MGAT5B: variants seen among roughly 807,000 people sequenced by gnomAD.
MGAT5B encodes the protein alpha-1,6-mannosylglycoprotein 6-beta-N-acetylglucosaminyltransferase B.
A neutral mutation model predicts 95.1 loss-of-function variants in MGAT5B; 54 were observed. That is an observed-to-expected ratio of 0.57 (90% confidence interval 0.46 to 0.71). The LOEUF (loss-of-function observed/expected upper bound fraction) is 0.71. Among genes scored for constraint, MGAT5B ranks in the 30% least tolerant of loss-of-function variants. The probability of loss-of-function intolerance (pLI) is 0.00; values close to 1 mark genes in which losing one functional copy is unlikely to be tolerated. For missense variants in MGAT5B, 935 were observed against 1,088.6 expected, an observed-to-expected ratio of 0.86 and a Z score of 1.99; for synonymous variants, 464 against 451.0, an observed-to-expected ratio of 1.03 and a Z score of -0.36.
At position 76,940,460 on chromosome 17, in the gene MGAT5B, A is replaced by G. The variant is rs2012718149; in HGVS notation, c.1643A>G (p.Asn548Ser). Reference sequence around the variant, plus strand: ...CCCGCCCCCCTGGAGGCCATCGCCAATGGTTGCATCTTCCTGCAGTCCCGC... The same window carrying G: ...CCCGCCCCCCTGGAGGCCATCGCCAGTGGTTGCATCTTCCTGCAGTCCCGC... ...EGPAPLEAIA[N>S]GCIFLQSRFS... Residue 548 changes from asparagine (N) to serine (S), a missense_variant, in exon 14 of 18, where the codon AAT (asparagine) becomes AGT (serine). By Grantham distance (46) the Asn-to-Ser change is conservative (BLOSUM62 1). This residue lies in a region of MGAT5B where 440 missense variants were observed against 523.6 expected (regional missense o/e 0.84). Transcript: ENST00000569840. This position sits in a 1 kb window ranked among gnomAD's most constrained non-coding sequence, Gnocchi z 4.3. 6 of 1,613,944 alleles carry G rather than the reference A, an allele frequency of 3.7e-6. No individual in the cohort carries two copies. Among genetic ancestry groups the G allele is most frequent in the South Asian group, 1.1e-5 (1 of 91,060 alleles).
chr17:76,879,892 G>C (rs917813027), intron 2 of MGAT5B, among the ~76,000 whole-genome samples: 1 of 152,214 alleles, frequency 6.6e-6, no homozygotes, highest in African/African-American at 2.4e-5. Context: ...CCCAAGTTAT[G>C]AGCGATGGCT....
intron 8 of MGAT5B, among the ~76,000 whole-genome samples, chr17:76,924,610 C>T (rs1413668538): frequency 6.6e-6 from 1 of 152,188 alleles, no homozygotes; most frequent in Admixed American, 6.5e-5. Context: ...TGAGGACTGC[C>T]GCCAGCATCC....
intron 8 of MGAT5B, among the ~76,000 whole-genome samples, chr17:76,919,454 G>A (rs903901479): frequency 2.0e-5 from 3 of 152,250 alleles, no homozygotes; most frequent in Admixed American, 6.5e-5. Context: ...TTTTAAGACC[G>A]GGTCTCACTC....
rs771456344 is a variant in MGAT5B at position 76,882,133 on chromosome 17, C to T, written c.182-18C>T. The T allele has an allele frequency of 6.2e-7, 1 of 1,601,182 alleles. No homozygotes were observed. The highest frequency in any genetic ancestry group is 8.5e-7 in the Non-Finnish European group (1 of 1,172,176). On this transcript the variant is annotated intron_variant, in intron 2 of 17. Coordinates refer to ENST00000569840, the MANE Select transcript of MGAT5B (RefSeq NM_001199172.2). ...GCTGCTCGGGCCTCCCCTAACCATA[C>T]CCACACTCTGCCCACAGTGATGGGG...
At chr17:76,873,993 T>A (rs985566865) in intron 2 of MGAT5B, among the ~76,000 whole-genome samples, 3 of 152,168 alleles carry the variant, frequency 2.0e-5, no homozygotes, top group Admixed American at 6.5e-5. Flanking sequence ...TGAGGGGCTC[T>A]TATTATGCCA....
chr17:76,934,022 C>T lies in MGAT5B; in HGVS notation c.1428+725C>T, dbSNP rs539867099. Among the ~76,000 whole-genome samples, 4 of 152,322 alleles carry T rather than the reference C, an allele frequency of 2.6e-5. No homozygotes were observed. In the South Asian group the frequency reaches 6.2e-4, roughly 24 times the overall value. ...GCTCCATCTTGGCCACAGGGCCATG[C>T]CCACTTCCAGGGGATGCTGGGTGGC... On this transcript the variant is annotated intron_variant, in intron 12 of 17. Transcript: ENST00000569840.
intron 3 of MGAT5B, among the ~76,000 whole-genome samples, chr17:76,897,098 A>G (rs1227521084): frequency 6.6e-6 from 1 of 152,042 alleles, no homozygotes; most frequent in African/African-American, 2.4e-5. Context: ...AAAATTATGT[A>G]TAGAGATAGG....
In MGAT5B at chr17:76,933,381, G is replaced by A. The variant is rs1245506627; in HGVS notation, c.1428+84G>A. On this transcript the variant is annotated intron_variant, in intron 12 of 17. Transcript: ENST00000569840. The stretch of plus-strand genomic sequence containing the variant: ...AGCCACTCCAGGGGTCTCTCCTTGT[G>A]ATGTTCTCCTGACTCAGGCTCTCTG... The A allele has an allele frequency of 3.9e-6, 6 of 1,548,158 alleles. No individual in the cohort carries two copies. The East Asian group carries it at 1.1e-4, about 29-fold the overall frequency.
intron 11 of MGAT5B, 27 bp downstream of exon 11, chr17:76,932,802 G>GCAC: frequency 6.2e-7 from 1 of 1,611,408 alleles, no homozygotes; most frequent in Non-Finnish European, 8.5e-7. Context: ...CGCGCGGGAA[G>GCAC]CACCAGCCTG....
In MGAT5B at chr17:76,916,152, G is replaced by A. The variant is rs149743341; in HGVS notation, c.1026-8814G>A. ...GAGAGACCCTTCCTTGCAAGGCCTCGTCTCCCCTTATGCTCCACATAGCTG... is the reference window on the plus strand; with the variant it reads ...GAGAGACCCTTCCTTGCAAGGCCTCATCTCCCCTTATGCTCCACATAGCTG... On this transcript the variant is annotated intron_variant, in intron 8 of 17. Coordinates refer to ENST00000569840, the MANE Select transcript of MGAT5B (RefSeq NM_001199172.2). The surrounding 1 kb of genome is among the most constrained non-coding windows in gnomAD (Gnocchi z 5.3). Among the ~76,000 whole-genome samples, 4,497 of 147,760 alleles carry A rather than the reference G, an allele frequency of 0.03. 305 individuals are homozygous for A. Among genetic ancestry groups the A allele is most frequent in the Admixed American group, 0.16 (2,382 of 15,078 alleles).
chr17:76,898,163 C>T (rs1176732492), intron 3 of MGAT5B, among the ~76,000 whole-genome samples: 1 of 152,088 alleles, frequency 6.6e-6, no homozygotes, highest in African/African-American at 2.4e-5. Flanking sequence ...GATTCGCCTA[C>T]CAAGATTAGG....
At chr17:76,945,185 C>A (rs1478497818) in intron 15 of MGAT5B, among the ~76,000 whole-genome samples, 1 of 152,060 alleles carries the variant, frequency 6.6e-6, no homozygotes, top group African/African-American at 2.4e-5. Flanking sequence ...AGGAGTACCC[C>A]CTTACTCCTC....
chr17:76,902,576 C>T lies in MGAT5B; in HGVS notation c.351C>T (p.Leu117=), dbSNP rs547675371. 184 of 1,599,342 alleles carry T rather than the reference C, an allele frequency of 1.2e-4. 1 individual carries two copies. The South Asian group carries it at 1.9e-3, about 17-fold the overall frequency. Residue 117 remains leucine, a synonymous_variant, in exon 4 of 18, where the codon CTC becomes CTT. Transcript: ENST00000569840. The part of the protein sequence containing the change: ...PADRMPPGAG[L]MERIQAIAQN... Reference sequence around the variant, plus strand: ...TTAGGATGCCCCCTGGGGCCGGCCTCATGGAGCGGATCCAGGCTATTGCCC... The same window carrying T: ...TTAGGATGCCCCCTGGGGCCGGCCTTATGGAGCGGATCCAGGCTATTGCCC...
rs140807823 is a variant in MGAT5B, at chr17:76,929,414, T to A, written c.1291+2684T>A. ...TTTACCATCACTTTCACTGATCCCC[T>A]CATCTCCTACTCCTGGCAGAATGTA... On this transcript the variant is annotated intron_variant, in intron 10 of 17. Coordinates refer to ENST00000569840, the MANE Select transcript of MGAT5B (RefSeq NM_001199172.2). Among the ~76,000 whole-genome samples, 5 of 152,350 alleles carry A rather than the reference T, an allele frequency of 3.3e-5. No individual in the cohort carries two copies. In the East Asian group the frequency reaches 9.6e-4, roughly 29 times the overall value.
rs138387992 is a variant in MGAT5B, at chr17:76,948,054, C to T, written c.2148C>T (p.Phe716=). ...GGCTAATCTGTGAGCCCTCCTTCTT[C>T]CCCTTCCTGAACAGCCAGGACGCCT... ...DHGLICEPSF[F]PFLNSQDAFL... Residue 716 remains phenylalanine, a synonymous_variant, in exon 17 of 18, where the codon TTC becomes TTT. Transcript: ENST00000569840. The T allele has an allele frequency of 5.0e-6, 8 of 1,611,328 alleles. No homozygotes were observed. Among genetic ancestry groups the T allele is most frequent in the African/African-American group, 1.3e-5 (1 of 74,904 alleles).
intron 8 of MGAT5B, among the ~76,000 whole-genome samples, chr17:76,922,212 G>A (rs529666494): frequency 7.8e-4 from 119 of 152,320 alleles, no homozygotes; most frequent in African/African-American, 2.7e-3. Flanking sequence ...AGCCAGTCAT[G>A]TTCCTGGTGC....
intron 15 of MGAT5B, chr17:76,943,969 G>A (rs1377944266): frequency 6.6e-6 from 1 of 152,242 alleles, no homozygotes; most frequent in African/African-American, 2.4e-5. Context: ...TGGAAAACCA[G>A]GGCCCGGCAC....
intron 12 of MGAT5B, among the ~76,000 whole-genome samples, chr17:76,934,060 C>T (rs1301587159): frequency 6.6e-6 from 1 of 152,204 alleles, no homozygotes; most frequent in Non-Finnish European, 1.5e-5. Context: ...TATTTCCAGG[C>T]AGCTCAGCTC....
intron 12 of MGAT5B, among the ~76,000 whole-genome samples, chr17:76,934,952 G>A (rs751355618): frequency 3.3e-5 from 5 of 152,120 alleles, no homozygotes; most frequent in Non-Finnish European, 5.9e-5. Context: ...GGAAGGTCAG[G>A]TCATTTATCA....
Sources: gnomAD v4.1 joint callset for allele counts (sites outside exome capture counted in the v4.1 genomes callset) on GRCh38, gnomAD v4.1.1 for gene constraint, gnomAD v4.1.1 regional missense constraint, Gnocchi (gnomAD v3.1) non-coding constraint, MANE v1.5 for transcripts, NCBI Gene and HGNC (gene_info 2026-07-23, HGNC 2026-07-21) for gene names.